Variants in EVI5 observed in about 807,000 individuals in gnomAD.
EVI5 encodes ecotropic viral integration site 5, also known as ecotropic viral integration site 5 protein homolog.
Under a neutral mutation model 112.0 loss-of-function variants are expected in EVI5, and 73 were observed. The ratio of observed to expected loss-of-function variants is 0.65; its 90% CI spans 0.54 to 0.79. The LOEUF is 0.79. EVI5 is among the 30% of genes least tolerant of loss of function. The pLI is 0.00. For synonymous variants in EVI5, 305 were observed against 319.9 expected (o/e 0.95, Z 0.50); for missense variants, 900 against 968.8 (o/e 0.93, Z 0.94).
At chr1:92,660,099 G>C (rs1663713768) in intron 13 of EVI5, among the ~76,000 whole-genome samples, 1 of 151,894 alleles carries the variant, frequency 6.6e-6, no homozygotes, top group Admixed American at 6.6e-5. Context: ...GAGGCGGTGA[G>C]GAATGAGAAA....
chr1:92,634,932 G>C (rs1194372709), intron 14 of EVI5, among the ~76,000 whole-genome samples: 1 of 152,224 alleles, frequency 6.6e-6, no homozygotes, highest in African/African-American at 2.4e-5. Context: ...GTTGGAGTTT[G>C]CTGGAGGTCC....
At chr1:92,772,225 C>A (rs1683508543) in intron 1 of EVI5, among the ~76,000 whole-genome samples, 1 of 151,970 alleles carries the variant, frequency 6.6e-6, no homozygotes. Flanking sequence ...TTATAGATGG[C>A]AGAGTGGAAT....
upstream of EVI5, chr1:92,785,232 G>T: frequency 2.9e-6 from 1 of 346,294 alleles, no homozygotes; most frequent in Non-Finnish European, 4.1e-6. Context: ...TGGACGGAGT[G>T]CAGAGGAGGC....
chr1:92,698,441 G>A (rs961227294), intron 5 of EVI5, among the ~76,000 whole-genome samples: 3 of 152,154 alleles, frequency 2.0e-5, no homozygotes, highest in South Asian at 2.1e-4. Context: ...GAGACACACG[G>A]CTATTGATAT....
intron 14 of EVI5, among the ~76,000 whole-genome samples, chr1:92,632,445 C>T (rs1470346589): frequency 6.6e-6 from 1 of 152,176 alleles, no homozygotes; most frequent in South Asian, 2.1e-4. Context: ...TCCATTACTT[C>T]CAGATTTTCT....
chr1:92,584,577 T>A (rs1266148365), intron 18 of EVI5, among the ~76,000 whole-genome samples: 1 of 152,154 alleles, frequency 6.6e-6, no homozygotes, highest in Non-Finnish European at 1.5e-5. Context: ...AAAAGAAAAA[T>A]TAATCAGAAT....
At chr1:92,557,235 CT>C (rs942980343) in intron 19 of EVI5, among the ~76,000 whole-genome samples, 15 of 148,714 alleles carry the variant, frequency 1.0e-4, no homozygotes, top group Admixed American at 5.4e-4. Flanking sequence ...CAAAATAGTT[CT>C]TTTTTTTTTC....
At chr1:92,568,684 G>A (rs1669867658) in intron 18 of EVI5, among the ~76,000 whole-genome samples, 1 of 152,116 alleles carries the variant, frequency 6.6e-6, no homozygotes, top group East Asian at 1.9e-4. Flanking sequence ...GCCACCCTGA[G>A]ACAGCAAGAC....
At chr1:92,676,077 A>AT (rs1308678598) in intron 10 of EVI5, among the ~76,000 whole-genome samples, 1 of 151,768 alleles carries the variant, frequency 6.6e-6, no homozygotes, top group Non-Finnish European at 1.5e-5. Flanking sequence ...CTATATATAT[A>AT]AAAAATGTGG....
chr1:92,537,463 A>G (rs1664086832), intron 19 of EVI5, among the ~76,000 whole-genome samples: 1 of 152,180 alleles, frequency 6.6e-6, no homozygotes, highest in African/African-American at 2.4e-5. Flanking sequence ...TCTAAGTTCT[A>G]GAGGCTTTAC....
chr1:92,655,603 T>C (rs1662862566), intron 13 of EVI5, among the ~76,000 whole-genome samples: 1 of 151,938 alleles, frequency 6.6e-6, no homozygotes, highest in Non-Finnish European at 1.5e-5. Flanking sequence ...ACCCACCTAA[T>C]ACAGACTGAA....
intron 9 of EVI5, among the ~76,000 whole-genome samples, chr1:92,682,806 C>T (rs1053574741): frequency 1.1e-4 from 17 of 152,156 alleles, no homozygotes; most frequent in African/African-American, 3.9e-4. Context: ...CAGAGAACTA[C>T]CTGAAATTTC....
At chr1:92,644,307 C>T (rs1328824436) in intron 13 of EVI5, among the ~76,000 whole-genome samples, 1 of 152,154 alleles carries the variant, frequency 6.6e-6, no homozygotes, top group Non-Finnish European at 1.5e-5. Context: ...AATACAATGA[C>T]ACCACGAGGA....
intron 1 of EVI5, among the ~76,000 whole-genome samples, chr1:92,791,656 G>A (rs59864761): frequency 0.22 from 32,673 of 151,866 alleles, 3,970 homozygotes; most frequent in Non-Finnish European, 0.27. Context: ...TAGATGCGAC[G>A]TGAGATGTGT....
chr1:92,566,133 T>C (rs1223701190), intron 18 of EVI5, among the ~76,000 whole-genome samples: 2 of 152,028 alleles, frequency 1.3e-5, no homozygotes, highest in Non-Finnish European at 2.9e-5. Context: ...AAACTCCCTG[T>C]TTTTTGTTTG....
chr1:92,570,191 T>A (rs992644336), intron 18 of EVI5, among the ~76,000 whole-genome samples: 1 of 152,216 alleles, frequency 6.6e-6, no homozygotes, highest in Non-Finnish European at 1.5e-5. Flanking sequence ...ATATGTGACA[T>A]AAGAAGTGTC....
intron 18 of EVI5, among the ~76,000 whole-genome samples, chr1:92,574,190 A>G (rs1437793390): frequency 6.6e-6 from 1 of 152,132 alleles, no homozygotes; most frequent in East Asian, 1.9e-4. Flanking sequence ...GGAGAGCTGT[A>G]ATTAGAGAAA....
chr1:92,570,322 C>T (rs942959275), intron 18 of EVI5, among the ~76,000 whole-genome samples: 3 of 151,278 alleles, frequency 2.0e-5, no homozygotes, highest in African/African-American at 4.9e-5. Context: ...TTGGCGGGAG[C>T]GAGGGCAGGG....
At chr1:92,586,413 G>T (rs1053116494) in intron 18 of EVI5, among the ~76,000 whole-genome samples, 1 of 151,868 alleles carries the variant, frequency 6.6e-6, no homozygotes, top group African/African-American at 2.4e-5. Flanking sequence ...TAGGCTCATG[G>T]ATATTTATTT....
Sources: gnomAD v4.1 joint callset for allele counts (sites outside exome capture counted in the v4.1 genomes callset) on GRCh38, gnomAD v4.1.1 for gene constraint, MANE v1.5 for transcripts, NCBI Gene and HGNC (gene_info 2026-07-23, HGNC 2026-07-21) for gene names.